The following PLCB1 variants were observed in gnomAD, a reference collection of about 807,000 sequenced individuals.
PLCB1 encodes 1-phosphatidylinositol 4,5-bisphosphate phosphodiesterase beta-1.
Under a neutral mutation model 161.8 loss-of-function variants are expected in PLCB1, and 46 were observed. The ratio of observed to expected loss-of-function variants is 0.28; its 90% CI spans 0.22 to 0.36. The LOEUF (loss-of-function observed/expected upper bound fraction) is 0.36. Among genes scored for constraint, PLCB1 ranks in the 10% least tolerant of loss-of-function variants. The pLI, the probability that PLCB1 is intolerant of heterozygous loss-of-function variation, is 1.00. For synonymous variants in PLCB1, 517 were observed against 503.7 expected (o/e 1.03, Z -0.35); for missense variants, 1,016 against 1,472.5 (o/e 0.69, Z 5.07).
intron 3 of PLCB1, among the ~76,000 whole-genome samples, chr20:8,398,744 A>G (rs1171555913): frequency 6.6e-6 from 1 of 151,762 alleles, no homozygotes; most frequent in African/African-American, 2.4e-5. Flanking sequence ...TAATAGCACA[A>G]TGCTCATTTG....
At chr20:8,320,079 G>T (rs1455451616) in intron 2 of PLCB1, among the ~76,000 whole-genome samples, 27 of 152,014 alleles carry the variant, frequency 1.8e-4, no homozygotes, top group Admixed American at 1.8e-3. Context: ...GAGGTCCGGG[G>T]GCATGGCATT....
At chr20:8,498,125 G>A (rs573368886) in intron 3 of PLCB1, among the ~76,000 whole-genome samples, 133 of 152,278 alleles carry the variant, frequency 8.7e-4, no homozygotes, top group Non-Finnish European at 1.5e-3. Context: ...TTGAGATAGA[G>A]TCTTGCTCTG....
chr20:8,260,187 C>A (rs768124573), intron 2 of PLCB1, among the ~76,000 whole-genome samples: 7 of 150,412 alleles, frequency 4.7e-5, no homozygotes, highest in Non-Finnish European at 7.4e-5. Context: ...CTCAAGCAAT[C>A]TTATAGCCTC....
At chr20:8,411,698 A>T (rs2122513774) in intron 3 of PLCB1, among the ~76,000 whole-genome samples, 1 of 152,068 alleles carries the variant, frequency 6.6e-6, no homozygotes, top group Admixed American at 6.5e-5. Context: ...TGACAAACAG[A>T]GGCATTTTCC....
chr20:8,857,565 G>A (rs1987110637), intron 31 of PLCB1, among the ~76,000 whole-genome samples: 1 of 152,142 alleles, frequency 6.6e-6, no homozygotes, highest in Non-Finnish European at 1.5e-5. Context: ...AGTTTTCTTG[G>A]TTGTATACCA....
At chr20:8,701,138 T>G (rs1163188571) in intron 11 of PLCB1, among the ~76,000 whole-genome samples, 1 of 152,214 alleles carries the variant, frequency 6.6e-6, no homozygotes, top group Non-Finnish European at 1.5e-5. Flanking sequence ...ATTATCAGCA[T>G]GCAGTCTGCT....
intron 2 of PLCB1, among the ~76,000 whole-genome samples, chr20:8,158,603 C>T (rs2051587244): frequency 1.3e-5 from 2 of 152,132 alleles, no homozygotes; most frequent in South Asian, 4.1e-4. Context: ...CTCAAAAGTC[C>T]ACAGTCCCAA....
intron 3 of PLCB1, among the ~76,000 whole-genome samples, chr20:8,376,279 G>A (rs554002909): frequency 3.9e-5 from 6 of 152,334 alleles, no homozygotes; most frequent in African/African-American, 1.4e-4. Flanking sequence ...CAGATATGTA[G>A]TATTAATTTT....
chr20:8,621,808 A>G (rs1448705053), intron 3 of PLCB1, among the ~76,000 whole-genome samples: 1 of 152,222 alleles, frequency 6.6e-6, no homozygotes, highest in Non-Finnish European at 1.5e-5. Flanking sequence ...CCTTTACACC[A>G]TTTTATAAAA....
At chr20:8,286,640 A>G (rs61266514) in intron 2 of PLCB1, among the ~76,000 whole-genome samples, 4,589 of 152,180 alleles carry the variant, frequency 0.03, 176 homozygotes, top group African/African-American at 0.093. Context: ...CTCTTTGTCC[A>G]TTCCTCCTTT....
In PLCB1 at chr20:8,530,821, T is replaced by C. The variant is rs373402798; in HGVS notation, c.247-97473T>C. 6.6e-5 allele frequency among the ~76,000 whole-genome samples: 10 copies of C among 152,234 alleles called. No homozygotes were observed. In the South Asian group the frequency reaches 2.1e-3, roughly 31 times the overall value. On this transcript the variant is annotated intron_variant, in intron 3 of 31. Transcript: ENST00000338037. ...TTTATTTTTATATAAAGTGTGAAACTAAGTTCAGGCTGTTTTTTTCCCCAG... is the reference window on the plus strand; with the variant it reads ...TTTATTTTTATATAAAGTGTGAAACCAAGTTCAGGCTGTTTTTTTCCCCAG...
intron 31 of PLCB1, among the ~76,000 whole-genome samples, chr20:8,796,934 C>T (rs1984055117): frequency 6.6e-6 from 1 of 152,210 alleles, no homozygotes; most frequent in Non-Finnish European, 1.5e-5. Flanking sequence ...GGATCATCAT[C>T]TTGTACTTCC....
intron 11 of PLCB1, among the ~76,000 whole-genome samples, chr20:8,704,670 T>C (rs1467321234): frequency 2.6e-5 from 4 of 152,194 alleles, no homozygotes; most frequent in African/African-American, 9.6e-5. Flanking sequence ...CACAGCCACA[T>C]CCAATTGTTT....
chr20:8,566,851 A>G (rs1163762615), intron 3 of PLCB1, among the ~76,000 whole-genome samples: 1 of 150,066 alleles, frequency 6.7e-6, no homozygotes, highest in Non-Finnish European at 1.5e-5. Context: ...GACATACAGC[A>G]TCAACAGAAG....
At chr20:8,404,392 C>T (rs1185289355) in intron 3 of PLCB1, among the ~76,000 whole-genome samples, 2 of 152,158 alleles carry the variant, frequency 1.3e-5, no homozygotes, top group African/African-American at 4.8e-5. Context: ...CCTTGAATGT[C>T]TAATGATTTG....
In PLCB1 at chr20:8,795,877, CAAAAAA is replaced by C. The variant is rs368453811; in HGVS notation, c.3423+5628_3423+5633del. 4.2e-5 allele frequency among the ~76,000 whole-genome samples: 3 copies of C among 71,754 alleles called. 1 individual carries two copies. Among genetic ancestry groups the C allele is most frequent in the African/African-American group, 7.0e-5 (2 of 28,614 alleles). The allele number at this position is 71,754 out of a possible 152,430, so 47.1% of individuals were successfully genotyped here. A position where few individuals can be genotyped will look rare whatever the true frequency, so the allele number is the denominator to read the frequency against. On this transcript the variant is annotated intron_variant, in intron 31 of 31. Coordinates refer to ENST00000338037, the MANE Select transcript of PLCB1 (RefSeq NM_015192.4). ...GCGACTGAGTGAGACCACCCTGTCTCAAAAAAAAAAAAAAAAAGAAAAGAAAACACG... is the reference window on the plus strand; with the variant it reads ...GCGACTGAGTGAGACCACCCTGTCTCAAAAAAAAAAAGAAAAGAAAACACG...
intron 2 of PLCB1, among the ~76,000 whole-genome samples, chr20:8,253,285 A>C (rs1006323585): frequency 6.6e-6 from 1 of 152,012 alleles, no homozygotes; most frequent in African/African-American, 2.4e-5. Flanking sequence ...GTTGATGTAC[A>C]GTTACTCTAG....
chr20:8,722,373 TGAC>T lies in PLCB1; in HGVS notation c.1542_1544del (p.Asp519del). ...TGACAGGAGAAGCTGATACGGAAAG[TGAC>T]GACGACGATGATGATGATGACTGTA... On this transcript the variant is annotated inframe_deletion, in exon 15 of 32. Transcript: ENST00000338037. 9 of 1,611,632 alleles carry T rather than the reference TGAC, an allele frequency of 5.6e-6. No homozygotes were observed. Among genetic ancestry groups the T allele is most frequent in the East Asian group, 2.2e-5 (1 of 44,692 alleles).
intron 2 of PLCB1, among the ~76,000 whole-genome samples, chr20:8,271,233 CA>C (rs1982263856): frequency 6.6e-6 from 1 of 152,082 alleles, no homozygotes; most frequent in South Asian, 2.1e-4. Context: ...TGGCTTCCTT[CA>C]ATTTTTCTTT....
Sources: allele counts gnomAD v4.1 joint callset (sites outside exome capture counted in the v4.1 genomes callset), GRCh38; gene constraint gnomAD v4.1.1; transcripts MANE v1.5; gene names NCBI Gene and HGNC (gene_info 2026-07-23, HGNC 2026-07-21).